Variants in LTBP1 observed in about 807,000 individuals in gnomAD.
LTBP1 encodes the protein latent transforming growth factor beta binding protein 1.
Under a neutral mutation model 207.6 loss-of-function variants are expected in LTBP1, and 129 were observed. That is an observed-to-expected ratio of 0.62 (90% CI 0.54 to 0.72). The LOEUF is 0.72. Among genes scored for constraint, LTBP1 ranks in the 30% least tolerant of loss-of-function variants. The probability of loss-of-function intolerance (pLI) is 0.00; values close to 1 mark genes in which losing one functional copy is unlikely to be tolerated. For missense variants in LTBP1, 2,281 were observed against 2,217.2 expected, an observed-to-expected ratio of 1.03 and a Z score of -0.58; for synonymous variants, 963 against 833.7, an observed-to-expected ratio of 1.16 and a Z score of -2.67.
chr2:33,000,802 A>G lies in LTBP1; in HGVS notation c.566-20107A>G, dbSNP rs1401887645. 1.5e-5 allele frequency among the ~76,000 whole-genome samples: 2 copies of G among 134,330 alleles called. 1 individual carries two copies. Among genetic ancestry groups the G allele is most frequent in the Non-Finnish European group, 3.3e-5 (2 of 61,142 alleles). The allele number at this position is 134,330 out of a possible 152,430, so 88.1% of individuals were successfully genotyped here. A position where few individuals can be genotyped will look rare whatever the true frequency, so the allele number is the denominator to read the frequency against. ...GAAACCCTTAGGATTCCCCCAAAGT[A>G]TATTGGAGGCTACCAAGGGGGAGAG... On this transcript the variant is annotated intron_variant, in intron 2 of 33. Coordinates refer to ENST00000404816, the MANE Select transcript of LTBP1 (RefSeq NM_206943.4).
Position 33,273,797 on chromosome 2 carries a change from A to G in LTBP1, c.2743+16A>G, listed in dbSNP as rs201838033. On this transcript the variant is annotated intron_variant, in intron 16 of 33. Transcript: ENST00000404816. ...AAATGTGTGGGTAAGAGACAATTTG[A>G]TTGACTAAATTATTAAATATCAAAC... The G allele has an allele frequency of 1.9e-6, 3 of 1,573,758 alleles. No homozygotes were observed. The highest frequency in any genetic ancestry group is 2.3e-5 in the East Asian group (1 of 43,798).
At chr2:33,237,005 T>A (rs1435258160) in intron 9 of LTBP1, among the ~76,000 whole-genome samples, 1 of 152,216 alleles carries the variant, frequency 6.6e-6, no homozygotes, top group African/African-American at 2.4e-5. Context: ...TGGTGGATGG[T>A]CATTTTATAA....
chr2:33,276,307 C>T (rs531071078), intron 18 of LTBP1, among the ~76,000 whole-genome samples: 3 of 152,272 alleles, frequency 2.0e-5, no homozygotes, highest in Admixed American at 2.0e-4. Flanking sequence ...TACTTACATT[C>T]CTTTGTCTCC....
At chr2:33,199,642 A>G (rs1160220018) in intron 7 of LTBP1, among the ~76,000 whole-genome samples, 2 of 152,206 alleles carry the variant, frequency 1.3e-5, no homozygotes, top group Admixed American at 1.3e-4. Context: ...AGGCAGGAGA[A>G]GGAAATAAAG....
intron 3 of LTBP1, among the ~76,000 whole-genome samples, chr2:33,081,730 A>G (rs1024390476): frequency 1.3e-5 from 2 of 152,118 alleles, no homozygotes; most frequent in African/African-American, 4.8e-5. Context: ...TGCAGTCCCC[A>G]TAGTCCCCAT....
chr2:33,293,135 T>C (rs776392356), intron 19 of LTBP1, 25 bp from the exon 20 acceptor site: 119 of 1,598,096 alleles, frequency 7.4e-5, no homozygotes, highest in Non-Finnish European at 8.9e-5. Flanking sequence ...TTTTTTGTTC[T>C]TTCCATTACG....
chr2:33,188,482 A>G (rs895147561), intron 6 of LTBP1, 95 bp from the exon 7 acceptor site: 5 of 956,942 alleles, frequency 5.2e-6, no homozygotes, highest in Admixed American at 2.2e-5. Context: ...CTACACATGC[A>G]TGCATGTTTA....
intron 5 of LTBP1, among the ~76,000 whole-genome samples, chr2:33,169,923 GTAATA>G (rs1379897453): frequency 3.3e-5 from 5 of 152,196 alleles, no homozygotes; most frequent in African/African-American, 9.7e-5. Flanking sequence ...CAGCATTGTG[GTAATA>G]TAATCAGATA....
At chr2:33,367,672 AAC>A (rs913023735) in intron 31 of LTBP1, among the ~76,000 whole-genome samples, 12 of 152,172 alleles carry the variant, frequency 7.9e-5, no homozygotes, top group Admixed American at 6.5e-4. Flanking sequence ...GTTGCTGTAA[AAC>A]ACACGATTTT....
At chr2:33,098,714 C>G (rs1401923803) in intron 3 of LTBP1, among the ~76,000 whole-genome samples, 1 of 152,144 alleles carries the variant, frequency 6.6e-6, no homozygotes, top group Non-Finnish European at 1.5e-5. Context: ...GCTGAGATTA[C>G]AGGTGTGAGC....
At chr2:33,168,241 G>T (rs1258277532) in intron 5 of LTBP1, among the ~76,000 whole-genome samples, 1 of 151,860 alleles carries the variant, frequency 6.6e-6, no homozygotes, top group Non-Finnish European at 1.5e-5. Flanking sequence ...AAATTAGCCA[G>T]GCTTAGTGGC....
intron 3 of LTBP1, among the ~76,000 whole-genome samples, chr2:33,027,983 C>A (rs999586588): frequency 6.6e-6 from 1 of 152,168 alleles, no homozygotes; most frequent in Admixed American, 6.5e-5. Flanking sequence ...ATTGGTCAGA[C>A]CTATTTTGTT....
At chr2:33,118,853 T>C (rs1261051644) in intron 4 of LTBP1, among the ~76,000 whole-genome samples, 1 of 152,212 alleles carries the variant, frequency 6.6e-6, no homozygotes, top group African/African-American at 2.4e-5. Flanking sequence ...ACGAACATGA[T>C]TATTCTCTTT....
Position 33,347,357 on chromosome 2 carries a change from C to T in LTBP1, c.3857-10C>T. 5 of 1,614,032 alleles carry T rather than the reference C, an allele frequency of 3.1e-6. No homozygotes were observed. Among genetic ancestry groups the T allele is most frequent in the Non-Finnish European group, 4.2e-6 (5 of 1,179,998 alleles). On this transcript the variant is annotated splice_polypyrimidine_tract_variant and intron_variant, in intron 25 of 33. Transcript: ENST00000404816. Reference sequence around the variant, plus strand: ...CACACATCTCACTTGGTCTGTGCTCCCTTTTCCAGATGTGAATGAATGTGA... The same window carrying T: ...CACACATCTCACTTGGTCTGTGCTCTCTTTTCCAGATGTGAATGAATGTGA...
chr2:33,372,449 A>C (rs2095080887), intron 31 of LTBP1, among the ~76,000 whole-genome samples: 1 of 152,252 alleles, frequency 6.6e-6, no homozygotes, highest in Non-Finnish European at 1.5e-5. Flanking sequence ...GGAATAACAA[A>C]AAACTATATA....
chr2:33,352,134 A>C (rs1282415865), intron 26 of LTBP1, among the ~76,000 whole-genome samples: 1 of 151,704 alleles, frequency 6.6e-6, no homozygotes, highest in African/African-American at 2.4e-5. Context: ...TTATTTATTT[A>C]TTTATTTTTA....
intron 2 of LTBP1, among the ~76,000 whole-genome samples, chr2:32,949,788 T>G (rs1676825490): frequency 6.6e-6 from 1 of 152,236 alleles, no homozygotes. Flanking sequence ...GCTTGGATTT[T>G]AAAATACAGG....
intron 19 of LTBP1, among the ~76,000 whole-genome samples, chr2:33,283,627 G>A (rs1355232894): frequency 5.3e-5 from 8 of 151,880 alleles, no homozygotes; most frequent in South Asian, 2.1e-4. Flanking sequence ...TAGTAGAGAC[G>A]GGGTTTCACC....
chr2:33,000,377 A>AT lies in LTBP1; in HGVS notation c.566-20531dup, dbSNP rs1374474817. On this transcript the variant is annotated intron_variant, in intron 2 of 33. Coordinates refer to ENST00000404816, the MANE Select transcript of LTBP1 (RefSeq NM_206943.4). ...GATTCATTCCTTGTCTGTGAGGGAC[A>AT]TCTGAGCCCCACGCTCATCCTGTGG... is the stretch of plus-strand genomic sequence containing the variant. Among the ~76,000 whole-genome samples, 2 of 135,414 alleles carry AT rather than the reference A, an allele frequency of 1.5e-5. 1 individual carries two copies. Among genetic ancestry groups the AT allele is most frequent in the African/African-American group, 5.1e-5 (2 of 38,840 alleles). 88.8% of individuals were successfully genotyped at this position (135,414 alleles called of 152,430 possible). A position where few individuals can be genotyped will look rare whatever the true frequency, so the allele number is the denominator to read the frequency against.
Sources: gnomAD v4.1 joint callset for allele counts (sites outside exome capture counted in the v4.1 genomes callset) on GRCh38, gnomAD v4.1.1 for gene constraint, MANE v1.5 for transcripts, NCBI Gene and HGNC (gene_info 2026-07-23, HGNC 2026-07-21) for gene names.